Variants in RNGTT observed in about 807,000 individuals in gnomAD.
RNGTT encodes the protein mRNA-capping enzyme.
In RNGTT, 33 loss-of-function variants were observed where a neutral mutation model predicts 79.3. The observed-to-expected ratio is 0.42, with a 90% CI of 0.32 to 0.56. RNGTT has a LOEUF of 0.56. Among genes scored for constraint, RNGTT ranks in the 20% least tolerant of loss-of-function variants. The pLI is 0.17. For missense variants in RNGTT, 497 were observed against 739.1 expected (o/e 0.67, Z 3.80); for synonymous variants, 222 against 235.9 (o/e 0.94, Z 0.54).
intron 11 of RNGTT, among the ~76,000 whole-genome samples, chr6:88,806,504 AG>A (rs544424584): frequency 7.0e-4 from 107 of 151,832 alleles, no homozygotes; most frequent in African/African-American, 2.3e-3. Context: ...TTTAGTAGAG[AG>A]GGGGTTTCAC....
chr6:88,628,686 C>T (rs2127768339), intron 14 of RNGTT, among the ~76,000 whole-genome samples: 1 of 152,160 alleles, frequency 6.6e-6, no homozygotes, highest in Admixed American at 6.6e-5. Context: ...ACACTGTTAT[C>T]CTTTTTATAA....
chr6:88,748,771 A>C (rs1168732909), intron 13 of RNGTT, among the ~76,000 whole-genome samples: 1 of 152,156 alleles, frequency 6.6e-6, no homozygotes, highest in Non-Finnish European at 1.5e-5. Context: ...AGAAGAAAAA[A>C]AATGGGGAAA....
intron 2 of RNGTT, among the ~76,000 whole-genome samples, chr6:88,935,487 G>T (rs369786203): frequency 6.6e-6 from 1 of 152,140 alleles, no homozygotes; most frequent in Non-Finnish European, 1.5e-5. Flanking sequence ...GCCAAGGTGG[G>T]AGAACTGCTT....
At chr6:88,875,549 C>G (rs1255656697) in intron 8 of RNGTT, among the ~76,000 whole-genome samples, 1 of 152,114 alleles carries the variant, frequency 6.6e-6, no homozygotes, top group Non-Finnish European at 1.5e-5. Context: ...GGATTCTGGG[C>G]TCTGGGGCCA....
At chr6:88,939,329 G>C (rs1784773337) in intron 2 of RNGTT, among the ~76,000 whole-genome samples, 1 of 151,810 alleles carries the variant, frequency 6.6e-6, no homozygotes, top group South Asian at 2.1e-4. Context: ...GTCTTACTAG[G>C]TTACTTCCAA....
chr6:88,756,334 G>A (rs1256848688), intron 13 of RNGTT, among the ~76,000 whole-genome samples: 13 of 151,844 alleles, frequency 8.6e-5, no homozygotes, highest in Admixed American at 5.3e-4. Flanking sequence ...TCAGCCAGGC[G>A]TGACGGTGCG....
At chr6:88,754,173 C>G (rs1777929792) in intron 13 of RNGTT, among the ~76,000 whole-genome samples, 1 of 152,140 alleles carries the variant, frequency 6.6e-6, no homozygotes, top group Non-Finnish European at 1.5e-5. Context: ...AAATATCAGC[C>G]TGTGAATCCA....
At chr6:88,713,011 T>G (rs531834786) in intron 13 of RNGTT, among the ~76,000 whole-genome samples, 6 of 152,294 alleles carry the variant, frequency 3.9e-5, no homozygotes, top group East Asian at 3.9e-4. Context: ...GAGTGGTAAC[T>G]TTTCCCCAAC....
chr6:88,886,811 G>A (rs559941267), intron 8 of RNGTT, among the ~76,000 whole-genome samples: 4 of 152,120 alleles, frequency 2.6e-5, no homozygotes, highest in African/African-American at 7.2e-5. Context: ...ATTTCTCACT[G>A]TTTCATTTTC....
chr6:88,885,292 C>A (rs572515383), intron 8 of RNGTT, among the ~76,000 whole-genome samples: 1 of 152,148 alleles, frequency 6.6e-6, no homozygotes, highest in East Asian at 1.9e-4. Context: ...CAAGGTAAGT[C>A]CACAACATCT....
chr6:88,788,035 C>T (rs1269652283), intron 12 of RNGTT, among the ~76,000 whole-genome samples: 1 of 152,142 alleles, frequency 6.6e-6, no homozygotes, highest in African/African-American at 2.4e-5. Flanking sequence ...CTTACAACGG[C>T]ATTACTATCC....
chr6:88,950,741 A>G (rs1785214589), intron 1 of RNGTT, among the ~76,000 whole-genome samples: 1 of 152,140 alleles, frequency 6.6e-6, no homozygotes, highest in Non-Finnish European at 1.5e-5. Flanking sequence ...CGGGGATGGG[A>G]GAATCGCTTG....
intron 6 of RNGTT, among the ~76,000 whole-genome samples, chr6:88,901,009 G>A (rs1475069929): frequency 6.6e-6 from 1 of 151,710 alleles, no homozygotes; most frequent in Non-Finnish European, 1.5e-5. Flanking sequence ...GGGTGTGGTG[G>A]TGCACACCTG....
chr6:88,888,381 G>A (rs1165636977), intron 8 of RNGTT, among the ~76,000 whole-genome samples: 1 of 152,012 alleles, frequency 6.6e-6, no homozygotes, highest in Admixed American at 6.5e-5. Context: ...CAATTTAATA[G>A]ATTCTGAACA....
chr6:88,899,952 C>T (rs1327897770), intron 6 of RNGTT, among the ~76,000 whole-genome samples: 4 of 152,106 alleles, frequency 2.6e-5, no homozygotes, highest in South Asian at 2.1e-4. Context: ...TAGACCACTG[C>T]CCCAAAACTA....
intron 11 of RNGTT, among the ~76,000 whole-genome samples, chr6:88,838,921 G>C (rs773203414): frequency 2.0e-5 from 3 of 152,070 alleles, no homozygotes; most frequent in Non-Finnish European, 2.9e-5. Context: ...AATAGATCAA[G>C]AGAACTGAAC....
At chr6:88,718,006 A>C (rs1776578676) in intron 13 of RNGTT, among the ~76,000 whole-genome samples, 1 of 152,180 alleles carries the variant, frequency 6.6e-6, no homozygotes, top group Non-Finnish European at 1.5e-5. Flanking sequence ...CTTCAATAGT[A>C]GCTGCTACTG....
intron 13 of RNGTT, among the ~76,000 whole-genome samples, chr6:88,723,621 A>G (rs563722637): frequency 1.2e-4 from 18 of 152,350 alleles, no homozygotes; most frequent in Admixed American, 8.5e-4. Flanking sequence ...AAATTGAAAA[A>G]TTAAAAAGCA....
At chr6:88,865,591 C>A (rs1170304582) in intron 8 of RNGTT, among the ~76,000 whole-genome samples, 1 of 152,094 alleles carries the variant, frequency 6.6e-6, no homozygotes, top group Non-Finnish European at 1.5e-5. Context: ...TTCCTTAATT[C>A]ATTTTTCTAT....
Sources: gnomAD v4.1 joint callset for allele counts (sites outside exome capture counted in the v4.1 genomes callset) on GRCh38, gnomAD v4.1.1 for gene constraint, MANE v1.5 for transcripts, NCBI Gene and HGNC (gene_info 2026-07-23, HGNC 2026-07-21) for gene names.